VPS13B: variants seen among roughly 807,000 people sequenced by gnomAD.
VPS13B encodes vacuolar protein sorting 13 homolog B, also known as intermembrane lipid transfer protein VPS13B.
A neutral mutation model predicts 426.4 loss-of-function variants in VPS13B; 285 were observed. The observed-to-expected ratio is 0.67, with a 90% CI of 0.61 to 0.74. The LOEUF (loss-of-function observed/expected upper bound fraction) is 0.74. Among genes scored for constraint, VPS13B ranks in the 30% least tolerant of loss-of-function variants. The pLI is 0.00. For synonymous variants in VPS13B, 1,676 were observed against 1,676.4 expected, an observed-to-expected ratio of 1.00 and a Z score of 0.01; for missense variants, 4,537 against 4,782.6, an observed-to-expected ratio of 0.95 and a Z score of 1.51.
Position 99,784,463 on chromosome 8 carries a change from A to G in VPS13B, c.7928A>G (p.His2643Arg). Residue 2643 changes from histidine (H) to arginine (R), a missense_variant, in exon 43 of 62, where the codon CAC (histidine) becomes CGC (arginine). His to Arg is a conservative substitution (Grantham distance 29, BLOSUM62 0). This residue lies in a region of VPS13B where 4,311 missense variants were observed against 4,474.3 expected (regional missense o/e 0.96). Transcript: ENST00000357162. ...AGTCACCAGTACAGCTGGCGCTCTC[A>G]CAAATCCCCACAGGTATTTGAGAAA... Reference protein sequence around the residue: ...LHSHQYSWRSHKSPQLLHICI... With the variant: ...LHSHQYSWRSRKSPQLLHICI... 1.9e-6 allele frequency: 3 copies of G among 1,613,618 alleles called. No individual in the cohort carries two copies. The highest frequency in any genetic ancestry group is 2.5e-6 in the Non-Finnish European group (3 of 1,179,628).
At chr8:99,246,808 C>G (rs2132904874) in intron 17 of VPS13B, among the ~76,000 whole-genome samples, 1 of 149,058 alleles carries the variant, frequency 6.7e-6, no homozygotes, top group South Asian at 2.1e-4. Flanking sequence ...GGAGATCTCA[C>G]CACTGCACTC....
chr8:99,341,641 T>C, intron 19 of VPS13B: 1 of 263,828 alleles, frequency 3.8e-6, no homozygotes. Context: ...GCACCTGTAT[T>C]ACAGTGTACG....
chr8:99,542,988 G>A (rs1470155772), intron 30 of VPS13B, among the ~76,000 whole-genome samples: 1 of 152,152 alleles, frequency 6.6e-6, no homozygotes, highest in Non-Finnish European at 1.5e-5. Context: ...AACCAAAAAA[G>A]AGCCCGCATT....
At chr8:99,307,313 A>C (rs1820694390) in intron 19 of VPS13B, among the ~76,000 whole-genome samples, 1 of 152,116 alleles carries the variant, frequency 6.6e-6, no homozygotes, top group Non-Finnish European at 1.5e-5. Context: ...CTTTTAAGTT[A>C]GCTTGACCCT....
At chr8:99,622,207 C>T (rs1367645348) in intron 33 of VPS13B, among the ~76,000 whole-genome samples, 1 of 152,132 alleles carries the variant, frequency 6.6e-6, no homozygotes, top group Non-Finnish European at 1.5e-5. Context: ...AATTTTTTCA[C>T]TTACATCATT....
In VPS13B at chr8:99,115,697, C is replaced by T; in HGVS notation, c.763-3C>T. On this transcript the variant is annotated splice_region_variant and splice_polypyrimidine_tract_variant and intron_variant, in intron 6 of 61. Coordinates refer to ENST00000357162, the MANE Select transcript of VPS13B (RefSeq NM_152564.5). ...TTGGTGTTATGTCTTTTTCAAAATG[C>T]AGATTCATACTTTAGTGGAAAGTTT... 3.1e-6 allele frequency: 5 copies of T among 1,611,844 alleles called. No homozygotes were observed. Among genetic ancestry groups the T allele is most frequent in the Non-Finnish European group, 4.2e-6 (5 of 1,179,074 alleles).
chr8:99,158,752 C>G lies in VPS13B; in HGVS notation c.2208+2009C>G, dbSNP rs150827520. Among the ~76,000 whole-genome samples, 115 of 152,254 alleles carry G rather than the reference C, an allele frequency of 7.6e-4. 2 individuals are homozygous for G. The South Asian group carries it at 0.012, about 15-fold the overall frequency. ...CCTACTGCCCAGAAAAGACTCCTCT[C>G]AAAATATTAGCGCTCACGGACAATG... On this transcript the variant is annotated intron_variant, in intron 15 of 61. Transcript: ENST00000357162.
chr8:99,605,582 T>G, intron 33 of VPS13B, among the ~76,000 whole-genome samples: 1 of 152,222 alleles, frequency 6.6e-6, no homozygotes, highest in Admixed American at 6.5e-5. Context: ...CTTCCCATCA[T>G]TCTAGTTTTT....
chr8:99,404,341 A>G (rs1815215231), intron 21 of VPS13B, among the ~76,000 whole-genome samples: 1 of 152,188 alleles, frequency 6.6e-6, no homozygotes, highest in African/African-American at 2.4e-5. Context: ...ACCCCCTTTT[A>G]GTAGTCAGAA....
chr8:99,222,941 A>T (rs1815808199), intron 17 of VPS13B, among the ~76,000 whole-genome samples: 1 of 152,118 alleles, frequency 6.6e-6, no homozygotes, highest in Admixed American at 6.5e-5. Flanking sequence ...GGTTCAAGTG[A>T]TTCTCCTGCC....
At chr8:99,867,200 GT>G (rs1054186172) in intron 58 of VPS13B, among the ~76,000 whole-genome samples, 4 of 152,278 alleles carry the variant, frequency 2.6e-5, no homozygotes, top group South Asian at 2.1e-4. Context: ...GTCAAGAATT[GT>G]AAAGAAATTT....
At chr8:99,268,367 G>T (rs989506981) in intron 17 of VPS13B, among the ~76,000 whole-genome samples, 82 of 152,212 alleles carry the variant, frequency 5.4e-4, no homozygotes, top group Non-Finnish European at 1.6e-4. Flanking sequence ...CGGAGAAGCT[G>T]CAGACAGTCA....
At chr8:99,861,633 A>G in intron 57 of VPS13B, 143 bp from the exon 58 acceptor site, 1 of 1,106,064 alleles carries the variant, frequency 9.0e-7, no homozygotes, top group South Asian at 1.3e-5. Context: ...CTTTCTTCAA[A>G]TTGCCTGAGA....
intron 21 of VPS13B, among the ~76,000 whole-genome samples, chr8:99,397,308 C>T (rs1016894279): frequency 6.6e-6 from 1 of 152,070 alleles, no homozygotes; most frequent in Admixed American, 6.6e-5. Context: ...ACATGCCCAG[C>T]TAATTTTTGT....
intron 30 of VPS13B, among the ~76,000 whole-genome samples, chr8:99,530,431 A>G (rs1050963000): frequency 7.9e-5 from 12 of 152,124 alleles, no homozygotes; most frequent in Non-Finnish European, 1.2e-4. Context: ...CCTGGACAAC[A>G]TGGTGAAACC....
intron 19 of VPS13B, among the ~76,000 whole-genome samples, chr8:99,319,021 A>C (rs1014464330): frequency 4.6e-5 from 7 of 152,218 alleles, no homozygotes; most frequent in African/African-American, 1.7e-4. Flanking sequence ...AATAAAATTC[A>C]TAATTGTACT....
At chr8:99,061,172 A>G (rs769784413) in intron 3 of VPS13B, among the ~76,000 whole-genome samples, 1 of 152,124 alleles carries the variant, frequency 6.6e-6, no homozygotes, top group Non-Finnish European at 1.5e-5. Context: ...CACAGATTGC[A>G]GCTTCCATTT....
intron 19 of VPS13B, among the ~76,000 whole-genome samples, chr8:99,322,138 C>G (rs1260019978): frequency 1.3e-5 from 2 of 152,090 alleles, no homozygotes; most frequent in African/African-American, 4.8e-5. Context: ...TTGCTTTTGC[C>G]TTTTCCTTTG....
At chr8:99,241,048 T>G (rs1188457587) in intron 17 of VPS13B, 1 of 152,270 alleles carries the variant, frequency 6.6e-6, no homozygotes, top group Non-Finnish European at 1.5e-5. Flanking sequence ...GTTTCTGTTT[T>G]GAAGTCCATA....
Sources: allele counts gnomAD v4.1 joint callset (sites outside exome capture counted in the v4.1 genomes callset), GRCh38; gene constraint gnomAD v4.1.1; regional missense constraint gnomAD v4.1.1; transcripts MANE v1.5; gene names NCBI Gene and HGNC (gene_info 2026-07-23, HGNC 2026-07-21).